NEK11: variants seen among roughly 807,000 people sequenced by gnomAD.
The protein encoded by NEK11 is serine/threonine-protein kinase Nek11.
Under a neutral mutation model 80.7 loss-of-function variants are expected in NEK11, and 72 were observed. That is an observed-to-expected ratio of 0.89 (90% confidence interval 0.74 to 1.08). The LOEUF (loss-of-function observed/expected upper bound fraction) is 1.08, where lower values mean the gene tolerates loss of function less well. NEK11 is among the 50% of genes least tolerant of loss of function. NEK11 has a pLI of 0.00. For synonymous variants in NEK11, 251 were observed against 260.7 expected (o/e 0.96, Z 0.36); for missense variants, 764 against 763.6 (o/e 1.00, Z -0.01).
chr3:131,174,945 T>C, intron 14 of NEK11: 2 of 1,413,736 alleles, frequency 1.4e-6, no homozygotes, highest in Non-Finnish European at 1.8e-6. Flanking sequence ...CTTCATTTCC[T>C]GTTCAGCCAC....
intron 17 of NEK11, among the ~76,000 whole-genome samples, chr3:131,285,550 G>A (rs1259161001): frequency 6.6e-6 from 1 of 152,218 alleles, no homozygotes; most frequent in African/African-American, 2.4e-5. Context: ...AGTAGGTGGA[G>A]AATAAAACTT....
chr3:131,278,192 C>T (rs112460180), intron 17 of NEK11, among the ~76,000 whole-genome samples: 24 of 152,118 alleles, frequency 1.6e-4, no homozygotes, highest in Non-Finnish European at 4.4e-5. Flanking sequence ...TGACTTCTGG[C>T]CACAGCCACT....
intron 14 of NEK11, among the ~76,000 whole-genome samples, chr3:131,210,694 T>A (rs986932603): frequency 1.3e-5 from 2 of 152,240 alleles, no homozygotes; most frequent in African/African-American, 4.8e-5. Flanking sequence ...TAGTTAGCTC[T>A]TCTTATTGAA....
At chr3:131,130,358 C>T (rs1244649775) in intron 5 of NEK11, among the ~76,000 whole-genome samples, 1 of 152,080 alleles carries the variant, frequency 6.6e-6, no homozygotes, top group Non-Finnish European at 1.5e-5. Context: ...GGATTTTCTA[C>T]TTAGCTGATC....
intron 17 of NEK11, among the ~76,000 whole-genome samples, chr3:131,276,310 AAGG>A (rs1421483753): frequency 6.6e-6 from 1 of 152,200 alleles, no homozygotes; most frequent in Non-Finnish European, 1.5e-5. Flanking sequence ...CACCTGTAGA[AAGG>A]AGGAGGAAGG....
intron 14 of NEK11, among the ~76,000 whole-genome samples, chr3:131,219,885 A>C (rs149440902): frequency 5.3e-5 from 8 of 152,316 alleles, no homozygotes; most frequent in African/African-American, 1.7e-4. Context: ...CATTGATAGT[A>C]GCCACTACAC....
chr3:131,312,980 C>A (rs543226924), intron 17 of NEK11, among the ~76,000 whole-genome samples: 17 of 152,240 alleles, frequency 1.1e-4, no homozygotes, highest in African/African-American at 4.1e-4. Flanking sequence ...TCCTCCCACC[C>A]TCCACCTTCT....
chr3:131,152,256 G>T, intron 7 of NEK11, 132 bp from the exon 8 acceptor site: 1 of 691,830 alleles, frequency 1.4e-6, no homozygotes, highest in Non-Finnish European at 2.3e-6. Context: ...TGAAACTGCA[G>T]TTTTAAGTCA....
chr3:131,118,830 AT>A (rs963792480), intron 5 of NEK11, among the ~76,000 whole-genome samples: 1 of 151,484 alleles, frequency 6.6e-6, no homozygotes, highest in Non-Finnish European at 1.5e-5. Flanking sequence ...CCCCTTTATC[AT>A]TTTTTTTGCA....
chr3:131,315,509 G>A (rs1378816661), intron 17 of NEK11, among the ~76,000 whole-genome samples: 1 of 149,858 alleles, frequency 6.7e-6, no homozygotes, highest in Non-Finnish European at 1.5e-5. Context: ...TCATCCATCA[G>A]TAAACACAGG....
intron 10 of NEK11, among the ~76,000 whole-genome samples, 162 bp downstream of exon 10, chr3:131,155,283 C>T (rs909667935): frequency 1.3e-5 from 2 of 152,178 alleles, no homozygotes; most frequent in Admixed American, 6.5e-5. Flanking sequence ...TGTTCCAAAG[C>T]CCTTTACCCC....
intron 10 of NEK11, among the ~76,000 whole-genome samples, chr3:131,155,526 C>T (rs1217508006): frequency 6.6e-6 from 1 of 152,168 alleles, no homozygotes; most frequent in Non-Finnish European, 1.5e-5. Flanking sequence ...AGTCCTGAGA[C>T]AATTGAAAAT....
intron 12 of NEK11, among the ~76,000 whole-genome samples, chr3:131,167,454 TA>T (rs1230375520): frequency 6.6e-6 from 1 of 152,236 alleles, no homozygotes; most frequent in Non-Finnish European, 1.5e-5. Flanking sequence ...TAGTGTCTGA[TA>T]ATTTACTTAC....
At chr3:131,123,279 G>C (rs1426290186) in intron 5 of NEK11, among the ~76,000 whole-genome samples, 1 of 151,986 alleles carries the variant, frequency 6.6e-6, no homozygotes, top group East Asian at 1.9e-4. Context: ...CAATTCTCCT[G>C]CCTCAACCTC....
chr3:131,237,722 G>A (rs2095454595), intron 15 of NEK11, among the ~76,000 whole-genome samples: 1 of 152,100 alleles, frequency 6.6e-6, no homozygotes, highest in Admixed American at 6.6e-5. Context: ...ATGTACTAAA[G>A]TTAAGCCCCT....
intron 4 of NEK11, among the ~76,000 whole-genome samples, chr3:131,108,443 C>T (rs903539620): frequency 5.9e-5 from 9 of 152,148 alleles, no homozygotes; most frequent in African/African-American, 1.7e-4. Flanking sequence ...AGACTAAACA[C>T]AGTTAACATT....
At chr3:131,213,750 G>T (rs146998470) in intron 14 of NEK11, among the ~76,000 whole-genome samples, 25 of 152,128 alleles carry the variant, frequency 1.6e-4, no homozygotes, top group Admixed American at 3.9e-4. Flanking sequence ...CTCCAGTCCT[G>T]CCAATCTGAA....
intron 17 of NEK11, among the ~76,000 whole-genome samples, chr3:131,335,292 T>C (rs1422329816): frequency 1.3e-5 from 2 of 152,212 alleles, no homozygotes; most frequent in Admixed American, 6.5e-5. Flanking sequence ...GGCTCATCCC[T>C]GGGATGCAAG....
intron 7 of NEK11, among the ~76,000 whole-genome samples, chr3:131,137,789 G>A (rs889979510): frequency 1.3e-5 from 2 of 152,118 alleles, no homozygotes; most frequent in African/African-American, 2.4e-5. Flanking sequence ...TGGAGGAGGG[G>A]CAGTGCAAGA....
Sources: allele counts gnomAD v4.1 joint callset (sites outside exome capture counted in the v4.1 genomes callset), GRCh38; gene constraint gnomAD v4.1.1; transcripts MANE v1.5; gene names NCBI Gene and HGNC (gene_info 2026-07-23, HGNC 2026-07-21).